Variants in POLRMT observed in about 807,000 individuals in gnomAD.
The protein encoded by POLRMT is DNA-directed RNA polymerase, mitochondrial.
Under a neutral mutation model 132.2 loss-of-function variants are expected in POLRMT, and 114 were observed. The observed-to-expected ratio is 0.86, with a 90% CI of 0.74 to 1.01. The LOEUF (loss-of-function observed/expected upper bound fraction) is 1.01. Among genes scored for constraint, POLRMT ranks in the 50% least tolerant of loss-of-function variants. POLRMT has a pLI of 0.00. For synonymous variants in POLRMT, 1,020 were observed against 773.4 expected (o/e 1.32, Z -5.29); for missense variants, 2,003 against 1,729.1 (o/e 1.16, Z -2.81).
Position 622,158 on chromosome 19 carries a change from G to A in POLRMT, c.1842C>T (p.Asn614=), listed in dbSNP as rs368163292. The A allele has an allele frequency of 3.9e-6, 6 of 1,556,856 alleles. No individual in the cohort carries two copies. Among genetic ancestry groups the A allele is most frequent in the Non-Finnish European group, 4.3e-6 (5 of 1,153,978 alleles). The change falls in exon 9 of 21, where the codon AAC becomes AAT. Residue 614 remains asparagine (N), a synonymous_variant. Coordinates refer to ENST00000588649, the MANE Select transcript of POLRMT (RefSeq NM_005035.4). ...GGGCACTGCCTGGCACCTGCTGGAC[G>A]TTGCGGAAGGAATACACGTGGTAGA... is the stretch of plus-strand genomic sequence containing the variant. ...PVLYHVYSFR[N]VQQIGILKPH... is the part of the protein sequence containing the mutation.
In POLRMT at chr19:621,292, G is replaced by T; in HGVS notation, c.2406C>A (p.Phe802Leu). 2 of 1,603,900 alleles carry T rather than the reference G, an allele frequency of 1.2e-6. No homozygotes were observed. Among genetic ancestry groups the T allele is most frequent in the Non-Finnish European group, 1.7e-6 (2 of 1,177,588 alleles). ...RVFWLPHNMD[F>L]RGRTYPCPPH... Reference sequence around the variant, plus strand: ...GCGGGCAGGGGTAGGTGCGGCCGCGGAAGTCCATGTTGTGCGGCAGCCAGA... The same window carrying T: ...GCGGGCAGGGGTAGGTGCGGCCGCGTAAGTCCATGTTGTGCGGCAGCCAGA... The change falls in exon 10 of 21, where the codon TTC (phenylalanine) becomes TTA (leucine). Residue 802 changes from phenylalanine to leucine, a missense_variant. Physicochemically the swap from Phe to Leu is conservative, Grantham distance 22. Transcript: ENST00000588649.
At chr19:618,856 TGGTGGCACACTGGCGCGGGATGG>T (rs1258017804) in intron 15 of POLRMT, 96 bp from the exon 16 acceptor site, 38 of 1,432,676 alleles carry the variant, frequency 2.7e-5, no homozygotes, top group Middle Eastern at 2.4e-4. Flanking sequence ...CACGCTAGGA[TGGTGGCACACTGGCGCGGGATGG>T]GGTGGCACAC....
At chr19:618,652 C>T (rs936463672) in intron 16 of POLRMT, 53 bp downstream of exon 16, 8 of 1,600,812 alleles carry the variant, frequency 5.0e-6, no homozygotes, top group East Asian at 4.5e-5. Flanking sequence ...CTGTCTCCAC[C>T]GTGGCTGCTC....
At chr19:620,576 GGA>G in intron 10 of POLRMT, 89 bp from the exon 11 acceptor site, 2 of 1,415,548 alleles carry the variant, frequency 1.4e-6, no homozygotes, top group Non-Finnish European at 1.9e-6. Context: ...TGGGAAATGG[GGA>G]GGAGACGCAC....
intron 11 of POLRMT, 49 bp downstream of exon 11, chr19:620,316 G>A (rs1309280146): frequency 6.7e-6 from 10 of 1,502,982 alleles, no homozygotes; most frequent in Non-Finnish European, 8.0e-6. Context: ...TCGAGCCCCA[G>A]GCCCAGTGCA....
At chr19:633,275 G>A (rs886200897) in intron 1 of POLRMT, 150 bp downstream of exon 1, 17 of 1,003,536 alleles carry the variant, frequency 1.7e-5, no homozygotes, top group Non-Finnish European at 2.0e-5. Flanking sequence ...CGAAAAGCGG[G>A]CAAGGGCGAG....
rs771954413 is a variant in POLRMT, at chr19:627,147, C to CTTT, written c.823-1894_823-1893insAAA. Among the ~76,000 whole-genome samples, 249 of 131,196 alleles carry CTTT rather than the reference C, an allele frequency of 1.9e-3. 9 individuals are homozygous for CTTT. Among genetic ancestry groups the CTTT allele is most frequent in the Middle Eastern group, 4.2e-3 (1 of 238 alleles). The allele number at this position is 131,196 out of a possible 152,430, so 86.1% of individuals were successfully genotyped here. On this transcript the variant is annotated intron_variant, in intron 3 of 20. Coordinates refer to ENST00000588649, the MANE Select transcript of POLRMT (RefSeq NM_005035.4). ...GAGACCAGAGACATGAGTTTTGGGGCATTTTTTTTTTTTTTTTTTTTTGAG... is the reference window on the plus strand; with the variant it reads ...GAGACCAGAGACATGAGTTTTGGGGCTTTATTTTTTTTTTTTTTTTTTTTTGAG...
chr19:632,849 C>T lies in POLRMT; in HGVS notation c.178G>A (p.Val60Met), dbSNP rs139758373. ...TCGCGCTCACCCTCCAGCAGCTCCA[C>T]GTGGCCCCAGTCCTTCCTGCGGTCT... ...DQDRRKDWGH[V>M]ELLEVLQARV... The change falls in exon 2 of 21, where the codon GTG becomes ATG. Residue 60 changes from valine to methionine, a missense_variant. By Grantham distance (21) the Val-to-Met change is conservative (BLOSUM62 1). Coordinates refer to ENST00000588649, the MANE Select transcript of POLRMT (RefSeq NM_005035.4). The T allele has an allele frequency of 4.4e-3, 6,777 of 1,544,564 alleles. 23 individuals are homozygous for T. Among genetic ancestry groups the T allele is most frequent in the Admixed American group, 5.4e-3 (283 of 52,728 alleles).
In POLRMT at chr19:621,012, C is replaced by T. The variant is rs771122215; in HGVS notation, c.2640+46G>A. The T allele has an allele frequency of 1.2e-5, 11 of 946,454 alleles. 1 individual carries two copies. In the Admixed American group the frequency reaches 1.7e-4, roughly 15 times the overall value. The allele number at this position is 946,454 out of a possible 1,614,324, so 58.6% of individuals were successfully genotyped here. A position where few individuals can be genotyped will look rare whatever the true frequency, so the allele number is the denominator to read the frequency against. ...AGGGCGCGGGGGCGCCGGGGGAGGG[C>T]GCGGGGGTGCCGGGAGGGCGGGGAA... On this transcript the variant is annotated intron_variant, in intron 10 of 20. Transcript: ENST00000588649.
At chr19:622,561 G>A (rs751734887) in intron 8 of POLRMT, 21 bp downstream of exon 8, 130 of 1,583,742 alleles carry the variant, frequency 8.2e-5, no homozygotes, top group Middle Eastern at 2.3e-4. Flanking sequence ...CAGCCAGGAG[G>A]AGAGGGGGTG....
chr19:626,630 CAAAAAAA>C (rs59425267), intron 3 of POLRMT, among the ~76,000 whole-genome samples: 2 of 74,268 alleles, frequency 2.7e-5, no homozygotes, highest in African/African-American at 1.1e-4. Context: ...ACTAAAAATA[CAAAAAAA>C]AAAAAAAAAA....
In POLRMT at chr19:625,176, C is replaced by T. The variant is rs1316475482; in HGVS notation, c.901G>A (p.Ala301Thr). 6 of 1,614,016 alleles carry T rather than the reference C, an allele frequency of 3.7e-6. No individual in the cohort carries two copies. Among genetic ancestry groups the T allele is most frequent in the Non-Finnish European group, 8.5e-7 (1 of 1,179,988 alleles). Reference sequence around the variant, plus strand: ...TGCCTCCCCATGCACTGGAGGGCAGCCGCATAGGACAGCAGGTCCGGAGTC... The same window carrying T: ...TGCCTCCCCATGCACTGGAGGGCAGTCGCATAGGACAGCAGGTCCGGAGTC... Reference protein sequence around the residue: ...GLTPDLLSYAAALQCMGRQDQ... With the variant: ...GLTPDLLSYATALQCMGRQDQ... The change falls in exon 4 of 21, where the codon GCT (alanine) becomes ACT (threonine). Residue 301 changes from alanine to threonine, a missense_variant. Physicochemically the swap from Ala to Thr is moderately conservative, Grantham distance 58. Coordinates refer to ENST00000588649, the MANE Select transcript of POLRMT (RefSeq NM_005035.4).
Position 622,345 on chromosome 19 carries a change from T to A in POLRMT, c.1655A>T (p.Tyr552Phe). ...EVPEPCLPRQ[Y>F]WEELGAPEAL... ...CTCGGGCGCCCCCAGCTCCTCCCAG[T>A]ACTGCCGCGGCAGGCAGGGCTCGGG... The change falls in exon 9 of 21, where the codon TAC (tyrosine) becomes TTC (phenylalanine). Residue 552 changes from tyrosine (Y) to phenylalanine (F), a missense_variant. Tyr to Phe is a conservative substitution (Grantham distance 22). Transcript: ENST00000588649. 6.4e-7 allele frequency: 1 copy of A among 1,555,880 alleles called. No homozygotes were observed. The highest frequency in any genetic ancestry group is 1.2e-5 in the South Asian group (1 of 84,976).
chr19:620,201 A>G, intron 11 of POLRMT, 121 bp from the exon 12 acceptor site: 2 of 1,474,300 alleles, frequency 1.4e-6, no homozygotes, highest in South Asian at 1.3e-5. Flanking sequence ...AGTGCACCGG[A>G]GCCCCCGCAC....
At chr19:624,505 C>T (rs778840735) in intron 5 of POLRMT, among the ~76,000 whole-genome samples, 10 of 152,270 alleles carry the variant, frequency 6.6e-5, no homozygotes, top group South Asian at 2.1e-4. Context: ...CTGCGGCCCC[C>T]GACCACCTCG....
chr19:619,558 T>C, intron 13 of POLRMT, 28 bp downstream of exon 13: 1 of 1,610,736 alleles, frequency 6.2e-7, no homozygotes, highest in East Asian at 2.2e-5. Flanking sequence ...GAAACCAACG[T>C]GTTCGCAGCG....
At position 619,081 on chromosome 19, in the gene POLRMT, G is replaced by T; in HGVS notation, c.3183C>A (p.Ile1061=). 6.2e-7 allele frequency: 1 copy of T among 1,611,056 alleles called. No homozygotes were observed. The highest frequency in any genetic ancestry group is 8.5e-7 in the Non-Finnish European group (1 of 1,179,126). Residue 1061 remains isoleucine (I), a synonymous_variant, in exon 15 of 21, where the codon ATC becomes ATA. Coordinates refer to ENST00000588649, the MANE Select transcript of POLRMT (RefSeq NM_005035.4). ...ACTCCACCACAGAGCCCATGTGGGA[G>T]ATGAGGCGGGCACTCTCGGTCAGCC... is the stretch of plus-strand genomic sequence containing the variant. ...QHWLTESARL[I]SHMGSVVEWV...
At chr19:628,824 G>GA (rs199677429) in intron 3 of POLRMT, among the ~76,000 whole-genome samples, 174 of 152,118 alleles carry the variant, frequency 1.1e-3, no homozygotes, top group Non-Finnish European at 2.1e-3. Context: ...CCAACACGGT[G>GA]AAACCCCCGT....
rs761373478 is a variant in POLRMT at position 629,786 on chromosome 19, G to A, written c.576C>T (p.Ala192=). The A allele has an allele frequency of 1.1e-5, 17 of 1,571,124 alleles. No homozygotes were observed. In the South Asian group the frequency reaches 1.7e-4, roughly 16 times the overall value. ...TCCCAGGGGCCTCCTGCAGCAGCCG[G>A]GCCAGCTGCTCCTCCCAGGGGCTCT... is the stretch of plus-strand genomic sequence containing the variant. ...APESPWEEQL[A]RLLQEAPGKL... is the part of the protein sequence containing the mutation. Residue 192 remains alanine, a synonymous_variant, in exon 3 of 21, where the codon GCC becomes GCT. Transcript: ENST00000588649.
Sources: gnomAD v4.1 joint callset for allele counts (sites outside exome capture counted in the v4.1 genomes callset) on GRCh38, gnomAD v4.1.1 for gene constraint, MANE v1.5 for transcripts, NCBI Gene and HGNC (gene_info 2026-07-23, HGNC 2026-07-21) for gene names.